KLF8: variants seen among roughly 807,000 people sequenced by gnomAD.
KLF8 encodes Krueppel-like factor 8.
In KLF8, 10 loss-of-function variants were observed where a neutral mutation model predicts 18.2. The observed-to-expected ratio is 0.55, with a 90% CI of 0.34 to 0.93. KLF8 has a LOEUF of 0.93. Ranked by LOEUF, KLF8 falls within the 40% of genes least tolerant of loss-of-function variation. The probability of loss-of-function intolerance (pLI) is 0.02; values close to 1 mark genes in which losing one functional copy is unlikely to be tolerated. For synonymous variants in KLF8, 109 were observed against 97.3 expected, an observed-to-expected ratio of 1.12 and a Z score of -0.71; for missense variants, 264 against 277.9, an observed-to-expected ratio of 0.95 and a Z score of 0.36.
chrX:56,169,358 T>G, the KLF8 span, among the ~76,000 whole-genome samples: 2 of 111,207 alleles, frequency 1.8e-5, no homozygotes, highest in African/African-American at 6.5e-5. Context: ...AGGTACCAGC[T>G]TGGCCACAGG....
chrX:55,968,543 T>A, the KLF8 span, among the ~76,000 whole-genome samples: 5 of 112,047 alleles, frequency 4.5e-5, no homozygotes, highest in Admixed American at 3.8e-4. Flanking sequence ...TCACCTTGAA[T>A]TGTAATAATC....
chrX:56,220,753 G>T, the KLF8 span, among the ~76,000 whole-genome samples: 1 of 112,481 alleles, frequency 8.9e-6, no homozygotes, highest in African/African-American at 3.2e-5. Flanking sequence ...CTCCCCAAGT[G>T]CTGGGATTAC....
chrX:56,229,878 A>T (rs761653412), upstream of KLF8, among the ~76,000 whole-genome samples: 1 of 112,192 alleles, frequency 8.9e-6, no homozygotes, highest in South Asian at 3.7e-4. Flanking sequence ...TTGACTGAAT[A>T]GATGAAAGAA....
the KLF8 span, among the ~76,000 whole-genome samples, chrX:56,200,019 G>C: frequency 2.7e-5 from 3 of 111,366 alleles, no homozygotes; most frequent in Non-Finnish European, 5.7e-5. Context: ...ACTCATAGAT[G>C]GGATTTGAAC....
At chrX:56,064,331 G>A in the KLF8 span, among the ~76,000 whole-genome samples, 1 of 108,150 alleles carries the variant, frequency 9.2e-6, no homozygotes, top group Non-Finnish European at 1.9e-5. Flanking sequence ...TTTAAGTACA[G>A]CTACTCCTGC....
At chrX:56,044,556 G>C in the KLF8 span, among the ~76,000 whole-genome samples, 1 of 112,737 alleles carries the variant, frequency 8.9e-6, no homozygotes, top group African/African-American at 3.2e-5. Context: ...AATGGATTGT[G>C]CTCTCACTTA....
the KLF8 span, among the ~76,000 whole-genome samples, chrX:55,959,885 C>CAAA: frequency 3.0e-5 from 3 of 98,914 alleles, no homozygotes; most frequent in African/African-American, 1.1e-4. Flanking sequence ...TAGGAAAATG[C>CAAA]AAAAAAAAAA....
chrX:56,150,565 A>G, the KLF8 span, among the ~76,000 whole-genome samples: 1 of 111,310 alleles, frequency 9.0e-6, no homozygotes, highest in Non-Finnish European at 1.9e-5. Context: ...AAGACAAGCT[A>G]TCAGAGATGG....
At chrX:56,255,731 G>A (rs1189563120) in intron 2 of KLF8, among the ~76,000 whole-genome samples, 1 of 111,689 alleles carries the variant, frequency 9.0e-6, no homozygotes, top group Admixed American at 9.5e-5. Flanking sequence ...TTGCACCCAG[G>A]GATCCCACTT....
chrX:55,999,245 T>C, the KLF8 span, among the ~76,000 whole-genome samples: 2 of 104,596 alleles, frequency 1.9e-5, no homozygotes, highest in African/African-American at 7.0e-5. Context: ...TACTATAACC[T>C]CGTATTATAA....
chrX:56,228,839 A>G (rs890330507), upstream of KLF8, among the ~76,000 whole-genome samples: 7 of 111,920 alleles, frequency 6.3e-5, no homozygotes, highest in African/African-American at 2.3e-4. Context: ...TTTTGTTCCC[A>G]CTAGGTCTGA....
chrX:56,261,773 T>C (rs2066885856), intron 2 of KLF8, among the ~76,000 whole-genome samples: 1 of 111,655 alleles, frequency 9.0e-6, no homozygotes, highest in African/African-American at 3.3e-5. Flanking sequence ...TTATTAAAAT[T>C]ATTTTGATCA....
chrX:56,184,006 G>A, the KLF8 span, among the ~76,000 whole-genome samples: 1 of 111,291 alleles, frequency 9.0e-6, no homozygotes, highest in South Asian at 3.9e-4. Flanking sequence ...ACTAGGGAGT[G>A]CCAGACAGTT....
At chrX:56,222,960 G>C in the KLF8 span, among the ~76,000 whole-genome samples, 1 of 112,901 alleles carries the variant, frequency 8.9e-6, no homozygotes, top group Non-Finnish European at 1.9e-5. Flanking sequence ...CAGGCTGAGG[G>C]AGCTGGCTCT....
the KLF8 span, among the ~76,000 whole-genome samples, chrX:56,201,486 A>G: frequency 9.0e-6 from 1 of 111,663 alleles, no homozygotes; most frequent in Admixed American, 9.6e-5. Context: ...GAAAGGGTAC[A>G]AAGTTTCAGT....
At chrX:56,175,865 T>C in the KLF8 span, among the ~76,000 whole-genome samples, 1 of 111,567 alleles carries the variant, frequency 9.0e-6, no homozygotes, top group African/African-American at 3.3e-5. Flanking sequence ...GCCTTCTTTG[T>C]CTCTTTTGAT....
At chrX:55,964,879 C>T in the KLF8 span, among the ~76,000 whole-genome samples, 1 of 111,477 alleles carries the variant, frequency 9.0e-6, no homozygotes, top group Admixed American at 9.5e-5. Flanking sequence ...CCTGAACAGA[C>T]CAATAAAGAC....
At chrX:56,197,383 C>A in the KLF8 span, among the ~76,000 whole-genome samples, 2 of 111,254 alleles carry the variant, frequency 1.8e-5, no homozygotes, top group Non-Finnish European at 3.8e-5. Flanking sequence ...CAAATAGATG[C>A]AATAAAAAAT....
the KLF8 span, among the ~76,000 whole-genome samples, chrX:56,190,314 G>A: frequency 2.7e-5 from 3 of 110,853 alleles, no homozygotes; most frequent in Non-Finnish European, 3.8e-5. Context: ...CAACACTGGA[G>A]CACTCAGATA....
Sources: allele counts gnomAD v4.1 joint callset (sites outside exome capture counted in the v4.1 genomes callset), GRCh38; gene constraint gnomAD v4.1.1; transcripts MANE v1.5; gene names NCBI Gene and HGNC (gene_info 2026-07-23, HGNC 2026-07-21).